GOLPH3: variants seen among roughly 807,000 people sequenced by gnomAD.
GOLPH3 encodes golgi phosphoprotein 3.
A neutral mutation model predicts 28.5 loss-of-function variants in GOLPH3; 14 were observed. The ratio of observed to expected loss-of-function variants is 0.49; its 90% CI spans 0.32 to 0.77. The LOEUF (loss-of-function observed/expected upper bound fraction) is 0.77, where lower values mean the gene tolerates loss of function less well. Ranked by LOEUF, GOLPH3 falls within the 30% of genes least tolerant of loss-of-function variation. The pLI is 0.03. For synonymous variants in GOLPH3, 158 were observed against 159.2 expected, an observed-to-expected ratio of 0.99 and a Z score of 0.06; for missense variants, 350 against 393.7, an observed-to-expected ratio of 0.89 and a Z score of 0.94.
intron 3 of GOLPH3, among the ~76,000 whole-genome samples, chr5:32,132,092 A>C (rs910829228): frequency 2.0e-5 from 3 of 152,130 alleles, no homozygotes; most frequent in African/African-American, 4.8e-5. Flanking sequence ...GGAGGTCAAG[A>C]CTGCAGTGAG....
chr5:32,143,392 T>C (rs921153985), intron 2 of GOLPH3, among the ~76,000 whole-genome samples: 6 of 151,706 alleles, frequency 4.0e-5, no homozygotes, highest in African/African-American at 1.5e-4. Context: ...CCCTCCACTA[T>C]TGTCCTGTGA....
chr5:32,142,825 T>TG (rs527340501), intron 2 of GOLPH3, among the ~76,000 whole-genome samples: 4,830 of 80,736 alleles, frequency 0.06, 156 homozygotes, highest in East Asian at 0.2. Flanking sequence ...AGGAGGGAGG[T>TG]GGGGGGGGTC....
At chr5:32,173,571 G>A (rs1172120346) in intron 1 of GOLPH3, among the ~76,000 whole-genome samples, 1 of 152,176 alleles carries the variant, frequency 6.6e-6, no homozygotes, top group Non-Finnish European at 1.5e-5. Context: ...GACTGTGAAA[G>A]GGGTAAGGAA....
intron 1 of GOLPH3, among the ~76,000 whole-genome samples, chr5:32,168,203 T>C (rs1169641303): frequency 1.3e-5 from 2 of 152,230 alleles, no homozygotes; most frequent in African/African-American, 4.8e-5. Context: ...TGACTGAATT[T>C]CTGATTTACA....
At chr5:32,171,018 T>A (rs1247606747) in intron 1 of GOLPH3, among the ~76,000 whole-genome samples, 4 of 152,192 alleles carry the variant, frequency 2.6e-5, no homozygotes, top group Non-Finnish European at 5.9e-5. Context: ...TGACTCTTGA[T>A]GCAAAATAAA....
chr5:32,140,537 T>G lies in GOLPH3; in HGVS notation c.357+3212A>C, dbSNP rs1171360624. Among the ~76,000 whole-genome samples, 3 of 151,668 alleles carry G rather than the reference T, an allele frequency of 2.0e-5. No individual in the cohort carries two copies. In the East Asian group the frequency reaches 5.8e-4, roughly 29 times the overall value. ...AGCCGGGTGTGGTGGTGCATGCCTG[T>G]AGTCCCAGCTACTAGGGAGGCTGAG... On this transcript the variant is annotated intron_variant, in intron 2 of 3. Coordinates refer to ENST00000265070, the MANE Select transcript of GOLPH3 (RefSeq NM_022130.4).
At chr5:32,140,432 T>C (rs189866581) in intron 2 of GOLPH3, among the ~76,000 whole-genome samples, 9 of 151,952 alleles carry the variant, frequency 5.9e-5, no homozygotes, top group South Asian at 2.1e-4. Flanking sequence ...GGTGGATCAT[T>C]TGGGGTCAGG....
At position 32,174,001 on chromosome 5, in the gene GOLPH3, C is replaced by A; in HGVS notation, c.34G>T (p.Val12Leu). ...CGGGAGGCCTCGGTGCGCCGCTGCACCAGGCCGGAGCTGCGCTGGGTCAGC... is the reference window on the plus strand; with the variant it reads ...CGGGAGGCCTCGGTGCGCCGCTGCAACAGGCCGGAGCTGCGCTGGGTCAGC... ...TSLTQRSSGLVQRRTEASRNA... is the reference protein window; with the variant it reads ...TSLTQRSSGLLQRRTEASRNA... The change falls in exon 1 of 4, where the codon GTG becomes TTG. Residue 12 changes from valine (V) to leucine (L), a missense_variant. Transcript: ENST00000265070. 1.5e-6 allele frequency: 2 copies of A among 1,338,608 alleles called. No homozygotes were observed. The highest frequency in any genetic ancestry group is 1.9e-6 in the Non-Finnish European group (2 of 1,055,138). 82.9% of individuals were successfully genotyped at this position (1,338,608 alleles called of 1,614,324 possible).
At chr5:32,130,542 C>T (rs2111836520) in intron 3 of GOLPH3, among the ~76,000 whole-genome samples, 1 of 152,208 alleles carries the variant, frequency 6.6e-6, no homozygotes, top group Non-Finnish European at 1.5e-5. Flanking sequence ...TTTTATTTTA[C>T]CTTCCCAAGT....
intron 1 of GOLPH3, among the ~76,000 whole-genome samples, chr5:32,149,576 T>C (rs1480048985): frequency 6.6e-6 from 1 of 151,848 alleles, no homozygotes; most frequent in Admixed American, 6.6e-5. Context: ...ATTTTGATTA[T>C]GTCAAAAATT....
chr5:32,126,623 A>G lies in GOLPH3; in HGVS notation c.486T>C (p.Asn162=), dbSNP rs1745687544. Residue 162 remains asparagine (N), a synonymous_variant, in exon 4 of 4, where the codon AAT becomes AAC. Coordinates refer to ENST00000265070, the MANE Select transcript of GOLPH3 (RefSeq NM_022130.4). The part of the protein sequence containing the change: ...WIELLSGETW[N]PLKLHYQLRN... ...TTAACTGATAATGCAATTTTAATGG[A>G]TTCCATGTCTCACCTAAACAAAAGA... 6.2e-7 allele frequency: 1 copy of G among 1,611,590 alleles called. No individual in the cohort carries two copies. The highest frequency in any genetic ancestry group is 8.5e-7 in the Non-Finnish European group (1 of 1,178,744).
At chr5:32,144,419 T>C (rs548703859) in intron 1 of GOLPH3, among the ~76,000 whole-genome samples, 31 of 152,298 alleles carry the variant, frequency 2.0e-4, no homozygotes, top group African/African-American at 7.5e-4. Context: ...AGTGAGATCC[T>C]GTTTCTACCA....
chr5:32,164,441 T>G (rs1330094048), intron 1 of GOLPH3, among the ~76,000 whole-genome samples: 1 of 152,050 alleles, frequency 6.6e-6, no homozygotes, highest in Non-Finnish European at 1.5e-5. Flanking sequence ...TTGCCCAGGC[T>G]GGAGTGCAGT....
chr5:32,132,665 T>A (rs1392260890), intron 3 of GOLPH3, among the ~76,000 whole-genome samples: 1 of 152,156 alleles, frequency 6.6e-6, no homozygotes. Context: ...TGATACCACA[T>A]ATTATATTGA....
chr5:32,140,226 C>T (rs899705560), intron 2 of GOLPH3, among the ~76,000 whole-genome samples: 14 of 151,828 alleles, frequency 9.2e-5, no homozygotes, highest in Admixed American at 2.6e-4. Flanking sequence ...GAAGGAGGCC[C>T]GGCACAGTGG....
intron 2 of GOLPH3, among the ~76,000 whole-genome samples, chr5:32,140,263 G>A (rs1442725138): frequency 1.3e-5 from 2 of 152,162 alleles, no homozygotes; most frequent in East Asian, 3.9e-4. Context: ...CAGCTCTTTG[G>A]GAGGACAAGG....
At chr5:32,139,297 A>C (rs1377891803) in intron 2 of GOLPH3, among the ~76,000 whole-genome samples, 1 of 152,244 alleles carries the variant, frequency 6.6e-6, no homozygotes, top group African/African-American at 2.4e-5. Flanking sequence ...CATAAAGTAT[A>C]GAAGAGGATG....
chr5:32,171,344 GC>G (rs1253945639), intron 1 of GOLPH3, among the ~76,000 whole-genome samples: 1 of 152,100 alleles, frequency 6.6e-6, no homozygotes, highest in Admixed American at 6.6e-5. Context: ...TTTATGTTGG[GC>G]CGCATTTAAA....
chr5:32,132,393 T>A (rs1464256345), intron 3 of GOLPH3, among the ~76,000 whole-genome samples: 3 of 152,182 alleles, frequency 2.0e-5, no homozygotes, highest in Admixed American at 2.0e-4. Flanking sequence ...CAAGTATATT[T>A]CTTTCTTTGC....
Sources: allele counts gnomAD v4.1 joint callset (sites outside exome capture counted in the v4.1 genomes callset), GRCh38; gene constraint gnomAD v4.1.1; transcripts MANE v1.5; gene names NCBI Gene and HGNC (gene_info 2026-07-23, HGNC 2026-07-21).